The following CNTN5 variants were observed in gnomAD, a reference collection of about 807,000 sequenced individuals.
CNTN5 encodes contactin 5.
A neutral mutation model predicts 129.1 loss-of-function variants in CNTN5; 77 were observed. That is an observed-to-expected ratio of 0.60 (90% CI 0.50 to 0.72). The LOEUF (loss-of-function observed/expected upper bound fraction) is 0.72. Ranked by LOEUF, CNTN5 falls within the 30% of genes least tolerant of loss-of-function variation. The pLI, the probability that CNTN5 is intolerant of heterozygous loss-of-function variation, is 0.00. For synonymous variants in CNTN5, 509 were observed against 465.6 expected (o/e 1.09, Z -1.20); for missense variants, 1,478 against 1,328.8 (o/e 1.11, Z -1.75).
chr11:100,280,734 G>C (rs1950618527), intron 18 of CNTN5, among the ~76,000 whole-genome samples: 1 of 151,946 alleles, frequency 6.6e-6, no homozygotes. Flanking sequence ...TTTGTTTTCT[G>C]GTTGTTTTGT....
At chr11:100,250,817 T>C (rs1949948449) in intron 16 of CNTN5, among the ~76,000 whole-genome samples, 1 of 152,174 alleles carries the variant, frequency 6.6e-6, no homozygotes. Context: ...AGATGGCTAA[T>C]TTAAACATTT....
chr11:99,170,073 AATATTTT>A (rs1403964367), intron 1 of CNTN5, among the ~76,000 whole-genome samples: 1 of 152,160 alleles, frequency 6.6e-6, no homozygotes, highest in African/African-American at 2.4e-5. Context: ...ACATGTTATG[AATATTTT>A]ATATTTTATT....
At chr11:99,192,329 T>G (rs1299830588) in intron 1 of CNTN5, among the ~76,000 whole-genome samples, 1 of 151,870 alleles carries the variant, frequency 6.6e-6, no homozygotes, top group African/African-American at 2.4e-5. Flanking sequence ...TTAATCACAT[T>G]GAAATATTTA....
At chr11:99,241,026 A>G (rs922602540) in intron 1 of CNTN5, among the ~76,000 whole-genome samples, 1 of 152,226 alleles carries the variant, frequency 6.6e-6, no homozygotes, top group African/African-American at 2.4e-5. Context: ...GTGTATAAAT[A>G]CACACAATTC....
chr11:99,904,292 C>G (rs1565659731), intron 6 of CNTN5, among the ~76,000 whole-genome samples: 1 of 151,920 alleles, frequency 6.6e-6, no homozygotes, highest in Non-Finnish European at 1.5e-5. Context: ...ACCCAACCCC[C>G]CTCCCCAAGC....
chr11:99,583,319 T>C, intron 3 of CNTN5, among the ~76,000 whole-genome samples: 1 of 152,188 alleles, frequency 6.6e-6, no homozygotes, highest in Non-Finnish European at 1.5e-5. Flanking sequence ...TCTCAAGCTG[T>C]GTGCTGGGAG....
At chr11:100,042,738 A>G (rs1001271053) in intron 9 of CNTN5, among the ~76,000 whole-genome samples, 4 of 152,254 alleles carry the variant, frequency 2.6e-5, no homozygotes, top group East Asian at 1.9e-4. Context: ...TTGATGGTGC[A>G]TAACAAAAAG....
intron 2 of CNTN5, among the ~76,000 whole-genome samples, chr11:99,519,002 G>C (rs1273701731): frequency 6.6e-6 from 1 of 151,942 alleles, no homozygotes; most frequent in African/African-American, 2.4e-5. Context: ...ACCTAAGCAT[G>C]TTTCTATCCT....
intron 1 of CNTN5, among the ~76,000 whole-genome samples, chr11:99,074,202 T>C (rs533053439): frequency 1.3e-5 from 2 of 152,328 alleles, no homozygotes; most frequent in South Asian, 4.1e-4. Flanking sequence ...GTTCATATAC[T>C]TCACCCACTT....
chr11:100,232,280 A>G (rs1949506798), intron 16 of CNTN5, among the ~76,000 whole-genome samples: 1 of 152,238 alleles, frequency 6.6e-6, no homozygotes, highest in Non-Finnish European at 1.5e-5. Flanking sequence ...AGTTGCTGTC[A>G]GAGACCAAGA....
intron 15 of CNTN5, among the ~76,000 whole-genome samples, chr11:100,197,729 G>C (rs1388715500): frequency 6.6e-6 from 1 of 151,948 alleles, no homozygotes; most frequent in Non-Finnish European, 1.5e-5. Flanking sequence ...TCCTTATAAT[G>C]CATAAAGAAG....
intron 2 of CNTN5, among the ~76,000 whole-genome samples, chr11:99,517,888 G>A (rs1404764189): frequency 6.6e-6 from 1 of 152,074 alleles, no homozygotes; most frequent in African/African-American, 2.4e-5. Flanking sequence ...GTTATATTTT[G>A]TGTGCAAACC....
chr11:99,274,162 T>C (rs2090394836), intron 1 of CNTN5, among the ~76,000 whole-genome samples: 1 of 151,774 alleles, frequency 6.6e-6, no homozygotes, highest in South Asian at 2.1e-4. Flanking sequence ...TTTGCAGTGC[T>C]ATTTCATCAA....
rs147656032 is a variant in CNTN5 at position 99,397,093 on chromosome 11, T to G, written c.-71+71609T>G. Among the ~76,000 whole-genome samples the G allele has an allele frequency of 2.6e-5, 4 of 151,864 alleles. No individual in the cohort carries two copies. The South Asian group carries it at 8.3e-4, about 31-fold the overall frequency. ...ACTCTGATGCCAATGGCCAGTCCTC[T>G]AGGTTGTGACGGTTCCTCCATCTTT... On this transcript the variant is annotated intron_variant, in intron 2 of 24. Transcript: ENST00000524871.
intron 2 of CNTN5, among the ~76,000 whole-genome samples, chr11:99,361,287 C>T (rs1230142023): frequency 2.0e-5 from 3 of 152,138 alleles, no homozygotes; most frequent in African/African-American, 7.2e-5. Flanking sequence ...CGTCCAGCCT[C>T]TATCCAATAC....
chr11:99,825,280 G>A (rs1298015341), intron 4 of CNTN5, among the ~76,000 whole-genome samples: 1 of 151,666 alleles, frequency 6.6e-6, no homozygotes, highest in East Asian at 1.9e-4. Context: ...CCTCTCTCTT[G>A]TATTTTTTTT....
At chr11:99,146,216 G>A (rs1029957244) in intron 1 of CNTN5, among the ~76,000 whole-genome samples, 5 of 152,054 alleles carry the variant, frequency 3.3e-5, no homozygotes, top group Admixed American at 6.6e-5. Context: ...AAGAGGATTG[G>A]AGAAGTATCA....
intron 7 of CNTN5, among the ~76,000 whole-genome samples, chr11:99,941,456 C>A (rs924157702): frequency 4.6e-5 from 7 of 151,880 alleles, no homozygotes; most frequent in African/African-American, 1.7e-4. Flanking sequence ...ACTTTTTACA[C>A]TACTGAGGAG....
chr11:99,714,505 G>A (rs1358491470), intron 3 of CNTN5, among the ~76,000 whole-genome samples: 1 of 151,930 alleles, frequency 6.6e-6, no homozygotes, highest in Non-Finnish European at 1.5e-5. Flanking sequence ...TTTTGGATAA[G>A]AGAAAGAAGA....
Sources: gnomAD v4.1 joint callset for allele counts (sites outside exome capture counted in the v4.1 genomes callset) on GRCh38, gnomAD v4.1.1 for gene constraint, MANE v1.5 for transcripts, NCBI Gene and HGNC (gene_info 2026-07-23, HGNC 2026-07-21) for gene names.